FA2H: variants seen among roughly 807,000 people sequenced by gnomAD.
FA2H encodes the protein fatty acid alpha-hydroxylase.
FA2H carries 22 observed loss-of-function variants against 44.9 expected under a neutral mutation model. That is an observed-to-expected ratio of 0.49 (90% CI 0.35 to 0.70). The LOEUF is 0.70. FA2H is among the 30% of genes least tolerant of loss of function. FA2H has a pLI of 0.01. For synonymous variants in FA2H, 243 were observed against 213.2 expected (o/e 1.14, Z -1.22); for missense variants, 501 against 504.9 (o/e 0.99, Z 0.07).
chr16:74,723,979 G>A (rs1428156770), intron 4 of FA2H, among the ~76,000 whole-genome samples: 4 of 152,078 alleles, frequency 2.6e-5, no homozygotes, highest in Non-Finnish European at 5.9e-5. Flanking sequence ...CTGGCTCACT[G>A]CAACCTCTGC....
intron 4 of FA2H, among the ~76,000 whole-genome samples, chr16:74,722,337 G>T (rs1412078573): frequency 2.0e-5 from 3 of 151,242 alleles, no homozygotes; most frequent in Admixed American, 6.6e-5. Context: ...GGAGTTTGAG[G>T]CCAGCCTGGG....
intron 4 of FA2H, among the ~76,000 whole-genome samples, chr16:74,722,268 G>A (rs1191329477): frequency 6.6e-6 from 1 of 152,228 alleles, no homozygotes; most frequent in African/African-American, 2.4e-5. Flanking sequence ...GAACATGGGG[G>A]CTCATGCCTG....
At chr16:74,754,369 C>CT (rs1451374585) in intron 1 of FA2H, among the ~76,000 whole-genome samples, 1 of 151,932 alleles carries the variant, frequency 6.6e-6, no homozygotes, top group African/African-American at 2.4e-5. Context: ...GCACTCCAGC[C>CT]TAGGTGACAG....
chr16:74,716,820 A>T, intron 5 of FA2H: 14 of 346,306 alleles, frequency 4.0e-5, no homozygotes, highest in East Asian at 7.0e-5. Flanking sequence ...GACCTGGCAG[A>T]TTGCAAAGGA....
In FA2H at chr16:74,757,758, T is replaced by A. The variant is rs115534110; in HGVS notation, c.270+16728A>T. 6.5e-3 allele frequency among the ~76,000 whole-genome samples: 994 copies of A among 152,312 alleles called. 13 individuals carry two copies. Among genetic ancestry groups the A allele is most frequent in the African/African-American group, 0.023 (959 of 41,564 alleles). On this transcript the variant is annotated intron_variant, in intron 1 of 6. Coordinates refer to ENST00000219368, the MANE Select transcript of FA2H (RefSeq NM_024306.5). ...GTGGCTGGGCGTCGTGGCACATGCC[T>A]GTAATCCTGGCACTTTGGGAGGCTG...
At chr16:74,769,703 T>C (rs1191359897) in intron 1 of FA2H, among the ~76,000 whole-genome samples, 1 of 152,182 alleles carries the variant, frequency 6.6e-6, no homozygotes, top group East Asian at 1.9e-4. Flanking sequence ...TCTATTTCTT[T>C]TGTGAAAAAT....
At chr16:74,729,884 G>A (rs1241837158) in intron 2 of FA2H, among the ~76,000 whole-genome samples, 1 of 152,110 alleles carries the variant, frequency 6.6e-6, no homozygotes, top group African/African-American at 2.4e-5. Flanking sequence ...TCAGCACGGG[G>A]AGTCAGGCAG....
At chr16:74,728,851 C>T (rs1194000950) in intron 2 of FA2H, among the ~76,000 whole-genome samples, 3 of 138,436 alleles carry the variant, frequency 2.2e-5, no homozygotes, top group African/African-American at 8.2e-5. Flanking sequence ...GGCATGATCT[C>T]AGCTCACTGC....
intron 3 of FA2H, 147 bp downstream of exon 3, chr16:74,727,097 T>C: frequency 8.9e-7 from 1 of 1,123,882 alleles, no homozygotes; most frequent in South Asian, 1.3e-5. Context: ...GATGAATTAT[T>C]CCCATGGCAT....
At position 74,749,469 on chromosome 16, in the gene FA2H, T is replaced by A. The variant is rs1962490883; in HGVS notation, c.271-9354A>T. On this transcript the variant is annotated intron_variant, in intron 1 of 6. Coordinates refer to ENST00000219368, the MANE Select transcript of FA2H (RefSeq NM_024306.5). Reference sequence around the variant, plus strand: ...GAGGAAAGAAAACCAGCAGGAAACCTGTGCCTGAGCTGTGACCAACTCTCC... The same window carrying A: ...GAGGAAAGAAAACCAGCAGGAAACCAGTGCCTGAGCTGTGACCAACTCTCC... 2.0e-5 allele frequency among the ~76,000 whole-genome samples: 3 copies of A among 150,960 alleles called. No homozygotes were observed. In the South Asian group the frequency reaches 6.3e-4, roughly 31 times the overall value.
chr16:74,730,984 C>T (rs369576211), intron 2 of FA2H, among the ~76,000 whole-genome samples: 2 of 152,128 alleles, frequency 1.3e-5, no homozygotes, highest in African/African-American at 4.8e-5. Context: ...TCCCGAAGTC[C>T]GCTTGGGTAT....
At chr16:74,723,343 T>C (rs913451317) in intron 4 of FA2H, among the ~76,000 whole-genome samples, 2 of 152,138 alleles carry the variant, frequency 1.3e-5, no homozygotes, top group Non-Finnish European at 2.9e-5. Flanking sequence ...CTGCCCTTTG[T>C]CCCCAGGGTC....
chr16:74,719,250 G>C (rs924557156), intron 4 of FA2H, 90 bp from the exon 5 acceptor site: 1 of 1,154,624 alleles, frequency 8.7e-7, no homozygotes, highest in Non-Finnish European at 1.3e-6. Context: ...CCATCAGCTC[G>C]GGAGCTGCTG....
At chr16:74,741,807 T>TATATATATATATAC in intron 1 of FA2H, among the ~76,000 whole-genome samples, 1 of 64,500 alleles carries the variant, frequency 1.6e-5, no homozygotes, top group Admixed American at 2.1e-4. Context: ...TATATATATA[T>TATATATATATATAC]ATGTGTGTGT....
chr16:74,762,150 C>G (rs1248398213), intron 1 of FA2H, among the ~76,000 whole-genome samples: 1 of 151,602 alleles, frequency 6.6e-6, no homozygotes, highest in Non-Finnish European at 1.5e-5. Flanking sequence ...TCAAGTGATT[C>G]TCCTGCCTCA....
chr16:74,757,746 G>A (rs898785453), intron 1 of FA2H, among the ~76,000 whole-genome samples: 4 of 152,196 alleles, frequency 2.6e-5, no homozygotes, highest in South Asian at 2.1e-4. Context: ...GCTGGGCGTC[G>A]TGGCACATGC....
At chr16:74,730,017 T>C (rs1005478317) in intron 2 of FA2H, among the ~76,000 whole-genome samples, 1 of 151,778 alleles carries the variant, frequency 6.6e-6, no homozygotes, top group Non-Finnish European at 1.5e-5. Flanking sequence ...GAAACCTCCT[T>C]CCCCTGGCCC....
intron 2 of FA2H, among the ~76,000 whole-genome samples, chr16:74,734,527 G>T (rs192657671): frequency 6.6e-6 from 1 of 152,338 alleles, no homozygotes; most frequent in East Asian, 1.9e-4. Context: ...CAGCCTGCTC[G>T]GTCCCTGCCT....
At chr16:74,727,528 A>G in intron 2 of FA2H, 142 bp from the exon 3 acceptor site, 1 of 900,928 alleles carries the variant, frequency 1.1e-6, no homozygotes, top group South Asian at 1.4e-5. Flanking sequence ...CTCCTGCTTC[A>G]GTGATCAAGA....
Sources: allele counts gnomAD v4.1 joint callset (sites outside exome capture counted in the v4.1 genomes callset), GRCh38; gene constraint gnomAD v4.1.1; transcripts MANE v1.5; gene names NCBI Gene and HGNC (gene_info 2026-07-23, HGNC 2026-07-21).